PTPRD: variants seen among roughly 807,000 people sequenced by gnomAD.
PTPRD encodes receptor-type tyrosine-protein phosphatase delta.
In PTPRD, 34 loss-of-function variants were observed where a neutral mutation model predicts 214.5. That is an observed-to-expected ratio of 0.16 (90% CI 0.12 to 0.21). PTPRD has a LOEUF of 0.21. Among genes scored for constraint, PTPRD ranks in the 10% least tolerant of loss-of-function variants. PTPRD has a pLI of 1.00. For synonymous variants in PTPRD, 1,128 were observed against 845.7 expected, an observed-to-expected ratio of 1.33 and a Z score of -5.79; for missense variants, 2,545 against 2,398.7, an observed-to-expected ratio of 1.06 and a Z score of -1.27.
In PTPRD at chr9:8,806,252, C is replaced by CG. The variant is rs5896261; in HGVS notation, c.-103-72307dup. Among the ~76,000 whole-genome samples the CG allele has an allele frequency of 6.2e-3, 663 of 106,532 alleles. 5 individuals are homozygous for CG. The highest frequency in any genetic ancestry group is 0.034 in the Middle Eastern group (7 of 206). The allele number at this position is 106,532 out of a possible 152,430, so 69.9% of individuals were successfully genotyped here. ...GCTTACACTTTTTTTTTTGGTGGGG[C>CG]GGGGGGGGGATTTTTAAGGAGCTAA... On this transcript the variant is annotated intron_variant, in intron 11 of 45. Coordinates refer to ENST00000381196, the MANE Select transcript of PTPRD (RefSeq NM_002839.4).
At chr9:9,414,015 C>A (rs1475649888) in intron 8 of PTPRD, among the ~76,000 whole-genome samples, 4 of 151,948 alleles carry the variant, frequency 2.6e-5, no homozygotes, top group African/African-American at 9.7e-5. Flanking sequence ...TTTTCTTTTT[C>A]CTTTAGAAAT....
rs3046919 is a variant in PTPRD, at chr9:8,907,533, A to AAAAAT, written c.-104+111163_-104+111164insATTTT. Among the ~76,000 whole-genome samples the AAAAAT allele has an allele frequency of 2.6e-3, 309 of 118,190 alleles. 2 individuals are homozygous for AAAAAT. The highest frequency in any genetic ancestry group is 0.01 in the African/African-American group (303 of 30,078). 77.5% of individuals were successfully genotyped at this position (118,190 alleles called of 152,430 possible). A position where few individuals can be genotyped will look rare whatever the true frequency, so the allele number is the denominator to read the frequency against. ...ACTCCGTCTCAAAAAAAAAAAAAAA[A>AAAAAT]ATATATATATATATATATATAAAGA... On this transcript the variant is annotated intron_variant, in intron 11 of 45. Transcript: ENST00000381196.
intron 11 of PTPRD, among the ~76,000 whole-genome samples, chr9:8,810,771 A>G (rs10977304): frequency 3.3e-5 from 5 of 152,216 alleles, no homozygotes. Flanking sequence ...TAACTCTAAT[A>G]ATCAGGAGAG....
intron 14 of PTPRD, among the ~76,000 whole-genome samples, chr9:8,575,654 C>G (rs1050143595): frequency 6.6e-6 from 1 of 152,116 alleles, no homozygotes; most frequent in African/African-American, 2.4e-5. Context: ...CATAAATTTT[C>G]CATTACAATG....
intron 33 of PTPRD, among the ~76,000 whole-genome samples, chr9:8,455,374 C>A (rs1019182826): frequency 6.6e-6 from 1 of 152,154 alleles, no homozygotes; most frequent in Non-Finnish European, 1.5e-5. Context: ...CTTATAGATC[C>A]TTTCACCTGT....
Position 8,315,982 on chromosome 9 carries a change from T to C in PTPRD, c.*1892A>G, listed in dbSNP as rs559763506. The C allele has an allele frequency of 1.2e-3, 277 of 227,566 alleles. 3 individuals are homozygous for C. Among genetic ancestry groups the C allele is most frequent in the Middle Eastern group, 4.0e-3 (3 of 758 alleles). The allele number at this position is 227,566 out of a possible 1,614,324, so 14.1% of individuals were successfully genotyped here. ...ATTTCCCCTTTTAGAAAAATCCTAA[T>C]GGAATATCAAATATATTCCAAAGTT... On this transcript the variant is annotated 3_prime_UTR_variant, in exon 46 of 46. Coordinates refer to ENST00000381196, the MANE Select transcript of PTPRD (RefSeq NM_002839.4).
intron 19 of PTPRD, 35 bp downstream of exon 19, chr9:8,523,478 T>C (rs778395521): frequency 6.2e-7 from 1 of 1,609,452 alleles, no homozygotes; most frequent in Non-Finnish European, 8.5e-7. Context: ...ATTAATAGTT[T>C]TGTAAGGTGG....
chr9:9,291,360 G>A (rs750559975), intron 9 of PTPRD, among the ~76,000 whole-genome samples: 1 of 151,350 alleles, frequency 6.6e-6, no homozygotes, highest in Admixed American at 6.6e-5. Flanking sequence ...ATTAAATGCA[G>A]ACATAAAGAA....
chr9:9,264,141 T>G (rs1364549909), intron 9 of PTPRD, among the ~76,000 whole-genome samples: 2 of 151,558 alleles, frequency 1.3e-5, no homozygotes, highest in African/African-American at 4.8e-5. Flanking sequence ...ACTTCAAGAC[T>G]TCGATGAAAA....
chr9:8,814,200 A>G (rs1407637715), intron 11 of PTPRD, among the ~76,000 whole-genome samples: 1 of 152,202 alleles, frequency 6.6e-6, no homozygotes, highest in African/African-American at 2.4e-5. Flanking sequence ...CTGAAACTCA[A>G]AAGTTAATGC....
At position 9,429,649 on chromosome 9, in the gene PTPRD, T is replaced by A. The variant is rs968034718; in HGVS notation, c.-236-32167A>T. 3.4e-4 allele frequency among the ~76,000 whole-genome samples: 52 copies of A among 152,200 alleles called. 1 individual carries two copies. The highest frequency in any genetic ancestry group is 1.2e-3 in the African/African-American group (48 of 41,454). ...CTGATGAACATTGATGCAAAAATCC[T>A]CAATAACATACTGGCAAACCGAATC... On this transcript the variant is annotated intron_variant, in intron 8 of 45. Transcript: ENST00000381196.
intron 30 of PTPRD, among the ~76,000 whole-genome samples, chr9:8,482,147 T>G (rs1261351307): frequency 6.6e-6 from 1 of 152,202 alleles, no homozygotes; most frequent in Non-Finnish European, 1.5e-5. Flanking sequence ...TATTTCATAT[T>G]AATACACACA....
intron 4 of PTPRD, among the ~76,000 whole-genome samples, chr9:10,026,899 A>G (rs906711694): frequency 2.0e-5 from 3 of 152,124 alleles, no homozygotes; most frequent in Non-Finnish European, 4.4e-5. Context: ...GAAGGATATA[A>G]AATTGCAACA....
At chr9:10,096,306 G>T (rs1460950693) in intron 3 of PTPRD, among the ~76,000 whole-genome samples, 1 of 151,626 alleles carries the variant, frequency 6.6e-6, no homozygotes, top group African/African-American at 2.4e-5. Context: ...AACCAAAGTG[G>T]TGTGAAACAT....
At chr9:9,167,988 T>G (rs2099907532) in intron 10 of PTPRD, among the ~76,000 whole-genome samples, 2 of 152,194 alleles carry the variant, frequency 1.3e-5, no homozygotes, top group African/African-American at 4.8e-5. Context: ...TGGAGTAGAT[T>G]TTTATCTTAA....
intron 3 of PTPRD, among the ~76,000 whole-genome samples, chr9:10,243,701 A>G (rs1474785573): frequency 1.3e-5 from 2 of 151,946 alleles, no homozygotes; most frequent in African/African-American, 2.4e-5. Context: ...AACACCTGGT[A>G]TATAATCCTA....
intron 8 of PTPRD, among the ~76,000 whole-genome samples, chr9:9,406,256 G>A (rs944510984): frequency 2.4e-4 from 36 of 151,810 alleles, no homozygotes; most frequent in African/African-American, 8.5e-4. Context: ...CTTTGATTTC[G>A]GCTTAGGGAC....
intron 12 of PTPRD, among the ~76,000 whole-genome samples, chr9:8,640,269 C>T (rs1239456470): frequency 6.6e-6 from 1 of 151,944 alleles, no homozygotes; most frequent in African/African-American, 2.4e-5. Flanking sequence ...AAAAATATGC[C>T]ACCCAGGAGG....
At position 8,601,683 on chromosome 9, in the gene PTPRD, G is replaced by T. The variant is rs759051693; in HGVS notation, c.352+31634C>A. ...TCTCCAAGAACCACTGTGCTATTGG[G>T]GTTGGGATGCTACTGATGGCAGTAT... On this transcript the variant is annotated intron_variant, in intron 14 of 45. Coordinates refer to ENST00000381196, the MANE Select transcript of PTPRD (RefSeq NM_002839.4). Among the ~76,000 whole-genome samples the T allele has an allele frequency of 7.6e-4, 115 of 152,272 alleles. 1 individual carries two copies. Among genetic ancestry groups the T allele is most frequent in the Non-Finnish European group, 1.2e-3 (85 of 68,032 alleles).
Sources: gnomAD v4.1 joint callset for allele counts (sites outside exome capture counted in the v4.1 genomes callset) on GRCh38, gnomAD v4.1.1 for gene constraint, MANE v1.5 for transcripts, NCBI Gene and HGNC (gene_info 2026-07-23, HGNC 2026-07-21) for gene names.